GABRA1: variants seen among roughly 807,000 people sequenced by gnomAD.
The protein encoded by GABRA1 is gamma-aminobutyric acid type A receptor subunit alpha1, also known as gamma-aminobutyric acid receptor subunit alpha-1.
GABRA1 carries 9 observed loss-of-function variants against 48.9 expected under a neutral mutation model. The ratio of observed to expected loss-of-function variants is 0.18; its 90% CI spans 0.11 to 0.32. GABRA1 has a LOEUF of 0.32. Among genes scored for constraint, GABRA1 ranks in the 10% least tolerant of loss-of-function variants. The pLI, the probability that GABRA1 is intolerant of heterozygous loss-of-function variation, is 1.00. For synonymous variants in GABRA1, 210 were observed against 198.7 expected (o/e 1.06, Z -0.48); for missense variants, 285 against 553.8 (o/e 0.51, Z 4.87).
chr5:161,856,214 C>A (rs1281261058), intron 3 of GABRA1, among the ~76,000 whole-genome samples: 1 of 151,326 alleles, frequency 6.6e-6, no homozygotes, highest in Admixed American at 6.6e-5. Flanking sequence ...TATTGAAAAG[C>A]TAATTTTCAA....
At chr5:161,886,453 G>A (rs1215671367) in intron 7 of GABRA1, among the ~76,000 whole-genome samples, 2 of 151,800 alleles carry the variant, frequency 1.3e-5, no homozygotes, top group Non-Finnish European at 2.9e-5. Context: ...AATGTATGCA[G>A]TAAGTGTCCG....
intron 6 of GABRA1, among the ~76,000 whole-genome samples, chr5:161,880,330 A>T (rs184127003): frequency 3.9e-5 from 6 of 152,280 alleles, no homozygotes; most frequent in African/African-American, 1.4e-4. Flanking sequence ...ATAATTTATC[A>T]TATTAAAATA....
chr5:161,894,541 C>A (rs990828303), intron 8 of GABRA1, among the ~76,000 whole-genome samples: 3 of 152,166 alleles, frequency 2.0e-5, no homozygotes, highest in African/African-American at 7.2e-5. Context: ...CAGGTTAAAT[C>A]ACTTAGCAGA....
intron 2 of GABRA1, 41 bp from the exon 3 acceptor site, chr5:161,854,117 T>C (rs760940340): frequency 2.0e-6 from 2 of 988,428 alleles, no homozygotes; most frequent in Non-Finnish European, 1.6e-6. Context: ...TTAGTAGAAA[T>C]GTATAATTTA....
chr5:161,873,395 G>T, intron 5 of GABRA1, 58 bp downstream of exon 5: 2 of 1,356,504 alleles, frequency 1.5e-6, no homozygotes, highest in Non-Finnish European at 2.1e-6. Context: ...CCTTCCACTT[G>T]TAGGCAATCA....
chr5:161,868,837 G>C (rs569138152), intron 4 of GABRA1, among the ~76,000 whole-genome samples: 5 of 152,152 alleles, frequency 3.3e-5, no homozygotes, highest in Non-Finnish European at 7.4e-5. Flanking sequence ...CTTAGAATAG[G>C]CTTTTTGATA....
intron 6 of GABRA1, chr5:161,881,694 C>T (rs182408927): frequency 2.8e-4 from 43 of 152,184 alleles, no homozygotes; most frequent in African/African-American, 9.4e-4. Flanking sequence ...AAGCTACTGC[C>T]TCTAACCTCA....
In GABRA1 at chr5:161,861,374, T is replaced by A. The variant is rs529910701; in HGVS notation, c.188-4347T>A. Among the ~76,000 whole-genome samples the A allele has an allele frequency of 6.3e-4, 96 of 151,948 alleles. 1 individual carries two copies. Among genetic ancestry groups the A allele is most frequent in the African/African-American group, 2.2e-3 (93 of 41,514 alleles). ...CATTGCTCCAACAGCAAAATATACA[T>A]TTTTTTCTAAAGATTAGCCCTATGT... On this transcript the variant is annotated intron_variant, in intron 3 of 9. Transcript: ENST00000393943.
At chr5:161,862,245 G>C (rs1429536527) in intron 3 of GABRA1, among the ~76,000 whole-genome samples, 1 of 151,718 alleles carries the variant, frequency 6.6e-6, no homozygotes, top group Non-Finnish European at 1.5e-5. Flanking sequence ...AATGCACAGG[G>C]CTCTTCAGAT....
chr5:161,890,531 T>C (rs1755042148), intron 7 of GABRA1, among the ~76,000 whole-genome samples: 1 of 152,078 alleles, frequency 6.6e-6, no homozygotes, highest in Non-Finnish European at 1.5e-5. Flanking sequence ...AGATCTGATC[T>C]GTTTCTGACC....
chr5:161,890,991 TTCTC>T lies in GABRA1; in HGVS notation c.800_803del (p.Leu267HisfsTer20). On this transcript the variant is annotated frameshift_variant, in exon 8 of 10. Coordinates refer to ENST00000393943, the MANE Select transcript of GABRA1 (RefSeq NM_001127644.2). LOFTEE classifies it high-confidence loss of function. Reference sequence around the variant, plus strand: ...TACCTGCCATGCATAATGACAGTGATTCTCTCACAAGTCTCCTTCTGGCTCAACA... The same window carrying T: ...TACCTGCCATGCATAATGACAGTGATTCACAAGTCTCCTTCTGGCTCAACA... The T allele has an allele frequency of 6.2e-7, 1 of 1,613,848 alleles. No homozygotes were observed. Among genetic ancestry groups the T allele is most frequent in the Non-Finnish European group, 8.5e-7 (1 of 1,179,760 alleles).
Position 161,897,625 on chromosome 5 carries a change from A to G in GABRA1, c.*203A>G. On this transcript the variant is annotated 3_prime_UTR_variant, in exon 10 of 10. Transcript: ENST00000393943. ...TATGCAGCTTGGAGACAGGATTCTG[A>G]CAGAGCAAGCGAAAGAGCAAAGTCA... The G allele has an allele frequency of 1.7e-6, 1 of 583,666 alleles. No homozygotes were observed. The highest frequency in any genetic ancestry group is 3.0e-6 in the Non-Finnish European group (1 of 333,594). 36.2% of individuals were successfully genotyped at this position (583,666 alleles called of 1,614,324 possible).
At position 161,898,808 on chromosome 5, in the gene GABRA1, T is replaced by C. The variant is rs1243964763; in HGVS notation, c.*1386T>C. ...TATTTGCTAATACCAACTATTTCAA[T>C]AAGTGTTGTACCATATGTAGCATTA... On this transcript the variant is annotated 3_prime_UTR_variant, in exon 10 of 10. Coordinates refer to ENST00000393943, the MANE Select transcript of GABRA1 (RefSeq NM_001127644.2). The C allele has an allele frequency of 6.6e-6, 1 of 152,544 alleles. No homozygotes were observed. The highest frequency in any genetic ancestry group is 1.5e-5 in the Non-Finnish European group (1 of 67,970). 9.4% of individuals were successfully genotyped at this position (152,544 alleles called of 1,614,324 possible). A position where few individuals can be genotyped will look rare whatever the true frequency, so the allele number is the denominator to read the frequency against.
At chr5:161,874,344 A>C (rs1211703975) in intron 5 of GABRA1, among the ~76,000 whole-genome samples, 2 of 152,138 alleles carry the variant, frequency 1.3e-5, no homozygotes, top group Non-Finnish European at 2.9e-5. Context: ...TTAGGACTTA[A>C]AAAAATCTAA....
intron 1 of GABRA1, chr5:161,848,873 C>T: frequency 2.3e-6 from 1 of 426,236 alleles, no homozygotes; most frequent in East Asian, 8.1e-5. Flanking sequence ...AAACCTGTCT[C>T]ACTGTTCCAT....
At chr5:161,853,534 T>A (rs1372021344) in intron 2 of GABRA1, 1 of 151,800 alleles carries the variant, frequency 6.6e-6, no homozygotes, top group Non-Finnish European at 1.5e-5. Flanking sequence ...CTAGAAATAA[T>A]AAAAATTAAT....
intron 8 of GABRA1, among the ~76,000 whole-genome samples, chr5:161,895,044 G>T (rs1481204417): frequency 6.6e-6 from 1 of 151,996 alleles, no homozygotes; most frequent in Non-Finnish European, 1.5e-5. Flanking sequence ...ATATATATGT[G>T]AGTGTGTGTC....
chr5:161,848,508 G>GGA (rs1757298568), intron 1 of GABRA1, 86 bp downstream of exon 1: 1 of 90,986 alleles, frequency 1.1e-5, no homozygotes. Context: ...TTATAGTCGG[G>GGA]GGGGGGGGGC....
At chr5:161,880,696 C>A (rs956104297) in intron 6 of GABRA1, among the ~76,000 whole-genome samples, 1 of 152,132 alleles carries the variant, frequency 6.6e-6, no homozygotes, top group African/African-American at 2.4e-5. Context: ...CTTATAAAAT[C>A]AGGGAACACT....
Sources: gnomAD v4.1 joint callset for allele counts (sites outside exome capture counted in the v4.1 genomes callset) on GRCh38, gnomAD v4.1.1 for gene constraint, MANE v1.5 for transcripts, NCBI Gene and HGNC (gene_info 2026-07-23, HGNC 2026-07-21) for gene names.